LMBRD1: variants seen among roughly 807,000 people sequenced by gnomAD.
LMBRD1 encodes LMBR1 domain containing 1.
Under a neutral mutation model 74.8 loss-of-function variants are expected in LMBRD1, and 64 were observed. The observed-to-expected ratio is 0.86, with a 90% CI of 0.70 to 1.05. The LOEUF is 1.05. Ranked by LOEUF, LMBRD1 falls within the 50% of genes least tolerant of loss-of-function variation. The probability of loss-of-function intolerance (pLI) is 0.00; values close to 1 mark genes in which losing one functional copy is unlikely to be tolerated. For missense variants in LMBRD1, 652 were observed against 645.9 expected (o/e 1.01, Z -0.10); for synonymous variants, 204 against 216.3 (o/e 0.94, Z 0.50).
intron 9 of LMBRD1, among the ~76,000 whole-genome samples, chr6:69,704,864 A>T (rs1582067395): frequency 2.2e-5 from 3 of 136,636 alleles, no homozygotes; most frequent in South Asian, 2.3e-4. Context: ...CTTCTGTGTG[A>T]TTCCTTTTGT....
chr6:69,688,976 G>C (rs1337957138), intron 14 of LMBRD1, among the ~76,000 whole-genome samples: 4 of 151,822 alleles, frequency 2.6e-5, no homozygotes, highest in Non-Finnish European at 5.9e-5. Context: ...CTTTTGTTTT[G>C]CTATTTCTTA....
chr6:69,711,837 CT>C (rs1318778059), intron 9 of LMBRD1, among the ~76,000 whole-genome samples: 4 of 151,744 alleles, frequency 2.6e-5, no homozygotes, highest in African/African-American at 9.7e-5. Flanking sequence ...ATTTCTTTTT[CT>C]TTTTTTTAAC....
intron 14 of LMBRD1, among the ~76,000 whole-genome samples, chr6:69,686,088 A>C (rs1046360576): frequency 6.6e-6 from 1 of 152,206 alleles, no homozygotes. Context: ...ACTTTGAAGA[A>C]TGTGGTAGTA....
chr6:69,771,167 C>T (rs900383457), intron 3 of LMBRD1, among the ~76,000 whole-genome samples: 8 of 152,194 alleles, frequency 5.3e-5, no homozygotes, highest in African/African-American at 1.9e-4. Context: ...AGCTGGGTCC[C>T]CAAGCTCAGA....
chr6:69,752,848 G>T (rs1765191393), intron 3 of LMBRD1, among the ~76,000 whole-genome samples: 1 of 152,036 alleles, frequency 6.6e-6, no homozygotes, highest in Non-Finnish European at 1.5e-5. Context: ...AAAAAAATAT[G>T]CAGTATTATA....
intron 3 of LMBRD1, among the ~76,000 whole-genome samples, chr6:69,759,963 C>A (rs1765342206): frequency 6.6e-6 from 1 of 152,114 alleles, no homozygotes; most frequent in Non-Finnish European, 1.5e-5. Flanking sequence ...TCATTTCACA[C>A]TCACCAGACT....
intron 7 of LMBRD1, among the ~76,000 whole-genome samples, chr6:69,736,364 A>G (rs1416854043): frequency 6.6e-6 from 1 of 152,116 alleles, no homozygotes; most frequent in Non-Finnish European, 1.5e-5. Context: ...TTCCTCTTCT[A>G]CAATACACTC....
chr6:69,792,399 T>C (rs1049014729), intron 1 of LMBRD1, among the ~76,000 whole-genome samples: 1 of 152,250 alleles, frequency 6.6e-6, no homozygotes, highest in Non-Finnish European at 1.5e-5. Context: ...AATATCATAA[T>C]GCCTTCATAT....
intron 3 of LMBRD1, among the ~76,000 whole-genome samples, chr6:69,778,707 T>A (rs760998605): frequency 6.6e-6 from 1 of 152,186 alleles, no homozygotes; most frequent in Admixed American, 6.5e-5. Context: ...TTCTACTTAA[T>A]ATAGCTCCAT....
chr6:69,715,257 C>G (rs1180894268), intron 8 of LMBRD1, among the ~76,000 whole-genome samples: 3 of 151,902 alleles, frequency 2.0e-5, no homozygotes, highest in Non-Finnish European at 2.9e-5. Context: ...CAAAAGGATA[C>G]TACAAATGAG....
At chr6:69,715,461 A>T (rs1766468185) in intron 8 of LMBRD1, among the ~76,000 whole-genome samples, 1 of 152,166 alleles carries the variant, frequency 6.6e-6, no homozygotes, top group Non-Finnish European at 1.5e-5. Context: ...AGAAACAAAT[A>T]CTAAGATGTA....
At chr6:69,677,739 T>C (rs535054811) in intron 14 of LMBRD1, among the ~76,000 whole-genome samples, 33 of 152,198 alleles carry the variant, frequency 2.2e-4, no homozygotes, top group African/African-American at 7.9e-4. Flanking sequence ...CTACTACTTC[T>C]AAAGAAATAG....
chr6:69,702,016 C>T, intron 9 of LMBRD1, 63 bp from the exon 10 acceptor site: 1 of 949,932 alleles, frequency 1.1e-6, no homozygotes, highest in South Asian at 1.3e-5. Flanking sequence ...AGCACAAAAT[C>T]ATTATATTCA....
Position 69,675,894 on chromosome 6 carries a change from A to G in LMBRD1, c.*264T>C. On this transcript the variant is annotated 3_prime_UTR_variant, in exon 16 of 16. Transcript: ENST00000649934. ...GATTTTTAATCAATTTAACACTATT[A>G]TACATTAGAGGAAAAAATTTTGCAC... is the stretch of plus-strand genomic sequence containing the variant. 2.3e-6 allele frequency: 1 copy of G among 432,702 alleles called. No individual in the cohort carries two copies. The highest frequency in any genetic ancestry group is 3.5e-5 in the Admixed American group (1 of 28,212). The allele number at this position is 432,702 out of a possible 1,614,324, so 26.8% of individuals were successfully genotyped here.
At chr6:69,792,483 T>C (rs1766108203) in intron 1 of LMBRD1, among the ~76,000 whole-genome samples, 1 of 152,222 alleles carries the variant, frequency 6.6e-6, no homozygotes. Flanking sequence ...TTGCTGCATG[T>C]CATTGCTTCA....
chr6:69,717,224 GTTGA>G, intron 8 of LMBRD1, among the ~76,000 whole-genome samples: 1 of 152,150 alleles, frequency 6.6e-6, no homozygotes, highest in Non-Finnish European at 1.5e-5. Context: ...TAGTTTGTCA[GTTGA>G]TTATTTTAGA....
rs190132902 is a variant in LMBRD1, at chr6:69,791,925, C to A, written c.70-1453G>T. Among the ~76,000 whole-genome samples the A allele has an allele frequency of 2.0e-5, 3 of 152,276 alleles. No homozygotes were observed. The East Asian group carries it at 5.8e-4, about 29-fold the overall frequency. Reference sequence around the variant, plus strand: ...CCAAGCTGGTTAAGACCCACTGGACCCAACATGGCAATGGATTTGACCTAG... The same window carrying A: ...CCAAGCTGGTTAAGACCCACTGGACACAACATGGCAATGGATTTGACCTAG... On this transcript the variant is annotated intron_variant, in intron 1 of 15. Transcript: ENST00000649934.
At chr6:69,730,821 C>T (rs1766839565) in intron 7 of LMBRD1, among the ~76,000 whole-genome samples, 1 of 152,084 alleles carries the variant, frequency 6.6e-6, no homozygotes. Context: ...TCAAGTGCTT[C>T]ATAAGCTTAA....
At chr6:69,757,694 A>G (rs1471635161) in intron 3 of LMBRD1, among the ~76,000 whole-genome samples, 4 of 152,204 alleles carry the variant, frequency 2.6e-5, no homozygotes, top group African/African-American at 9.6e-5. Flanking sequence ...ATGAAACAGG[A>G]AAAACTGCTT....
Sources: gnomAD v4.1 joint callset for allele counts (sites outside exome capture counted in the v4.1 genomes callset) on GRCh38, gnomAD v4.1.1 for gene constraint, MANE v1.5 for transcripts, NCBI Gene and HGNC (gene_info 2026-07-23, HGNC 2026-07-21) for gene names.